The following GAPDHS variants were observed in gnomAD, a reference collection of about 807,000 sequenced individuals.
GAPDHS encodes glyceraldehyde-3-phosphate dehydrogenase, spermatogenic.
A neutral mutation model predicts 48.7 loss-of-function variants in GAPDHS; 42 were observed. That is an observed-to-expected ratio of 0.86 (90% CI 0.67 to 1.12). The LOEUF (loss-of-function observed/expected upper bound fraction) is 1.12. Among genes scored for constraint, GAPDHS ranks in the 50% most tolerant of loss-of-function variants. The pLI is 0.00. For synonymous variants in GAPDHS, 166 were observed against 219.1 expected (o/e 0.76, Z 2.14); for missense variants, 512 against 557.7 (o/e 0.92, Z 0.82).
At chr19:35,538,515 G>C in intron 3 of GAPDHS, 62 bp from the exon 4 acceptor site, 1 of 1,276,882 alleles carries the variant, frequency 7.8e-7, no homozygotes, top group South Asian at 1.2e-5. Context: ...CACCAAAGAG[G>C]GGACTCTCTA....
At chr19:35,533,661 C>A in intron 1 of GAPDHS, 67 bp downstream of exon 1, 8 of 1,230,214 alleles carry the variant, frequency 6.5e-6, no homozygotes, top group Non-Finnish European at 9.3e-6. Context: ...TGCACCCTCA[C>A]ACCTGTGCCG....
chr19:35,538,290 T>C lies in GAPDHS; in HGVS notation c.246-17T>C, dbSNP rs769204657. On this transcript the variant is annotated splice_polypyrimidine_tract_variant and intron_variant, in intron 2 of 10. Coordinates refer to ENST00000222286, the MANE Select transcript of GAPDHS (RefSeq NM_014364.5). ...TACCCCCTTCTCTCCCATCCCTTCC[T>C]GTCTGTCCCTGGCCAGATTTGGACG... 15 of 1,590,256 alleles carry C rather than the reference T, an allele frequency of 9.4e-6. No individual in the cohort carries two copies. In the South Asian group the frequency reaches 1.6e-4, roughly 17 times the overall value.
At position 35,542,863 on chromosome 19, in the gene GAPDHS, T is replaced by A. The variant is rs561578369; in HGVS notation, c.660-82T>A. On this transcript the variant is annotated intron_variant, in intron 6 of 10. Coordinates refer to ENST00000222286, the MANE Select transcript of GAPDHS (RefSeq NM_014364.5). ...GACGTTTCATAAAACCAAGTCTGCGTGCATACCCCAAGAGGGGTAAGGGTG... is the reference window on the plus strand; with the variant it reads ...GACGTTTCATAAAACCAAGTCTGCGAGCATACCCCAAGAGGGGTAAGGGTG... 7.9e-6 allele frequency: 8 copies of A among 1,018,996 alleles called. No individual in the cohort carries two copies. The African/African-American group carries it at 1.1e-4, about 14-fold the overall frequency. The allele number at this position is 1,018,996 out of a possible 1,614,324, so 63.1% of individuals were successfully genotyped here. A position where few individuals can be genotyped will look rare whatever the true frequency, so the allele number is the denominator to read the frequency against.
chr19:35,544,859 G>A, intron 9 of GAPDHS, 50 bp from the exon 10 acceptor site: 1 of 1,077,762 alleles, frequency 9.3e-7, no homozygotes, highest in Non-Finnish European at 1.4e-6. Context: ...TCAGCTCCTG[G>A]AGGTCCTTGC....
In GAPDHS at chr19:35,543,416, G is replaced by A; in HGVS notation, c.818G>A (p.Gly273Asp). The change falls in exon 8 of 11, where the codon GGT becomes GAT. Residue 273 changes from glycine to aspartate, a missense_variant. Physicochemically the swap from Gly to Asp is moderately conservative, Grantham distance 94. Coordinates refer to ENST00000222286, the MANE Select transcript of GAPDHS (RefSeq NM_014364.5). ...AGGAAGGCCTGGCGAGATGGGCGGG[G>A]TGCCCACCAGAACATCATCCCAGCC... is the stretch of plus-strand genomic sequence containing the variant. ...PSRKAWRDGR[G>D]AHQNIIPAST... 5 of 1,611,016 alleles carry A rather than the reference G, an allele frequency of 3.1e-6. No homozygotes were observed. The highest frequency in any genetic ancestry group is 1.3e-5 in the African/African-American group (1 of 74,782).
intron 7 of GAPDHS, 69 bp from the exon 8 acceptor site, chr19:35,543,271 G>A: frequency 2.5e-6 from 4 of 1,576,810 alleles, no homozygotes; most frequent in Non-Finnish European, 2.6e-6. Context: ...CACCAACTTA[G>A]TCCTGGAAAA....
chr19:35,540,845 A>G (rs1284240261), intron 4 of GAPDHS: 2 of 152,050 alleles, frequency 1.3e-5, no homozygotes, highest in African/African-American at 4.8e-5. Context: ...AAAAAAAAAC[A>G]CGAGGCCAGG....
rs2146296999 is a variant in GAPDHS, at chr19:35,542,597, G to A, written c.648G>A (p.Met216Ile). The part of the protein sequence containing the change: ...VNENDYNPGS[M>I]NIVSNASCTT... ...AAAATGACTATAACCCTGGCTCCAT[G>A]AACATTGTGAGGTAATGTGGGCAGT... The change falls in exon 6 of 11, where the codon ATG becomes ATA. Residue 216 changes from methionine to isoleucine, a missense_variant. Transcript: ENST00000222286. 6.2e-7 allele frequency: 1 copy of A among 1,606,464 alleles called. No individual in the cohort carries two copies. The highest frequency in any genetic ancestry group is 1.1e-5 in the South Asian group (1 of 90,856).
chr19:35,538,659 A>G lies in GAPDHS; in HGVS notation c.425A>G (p.Asn142Ser), dbSNP rs144589408. Residue 142 changes from asparagine (N) to serine (S), a missense_variant, in exon 4 of 11, where the codon AAC becomes AGC. By Grantham distance (46) the Asn-to-Ser change is conservative (BLOSUM62 1). Transcript: ENST00000222286. ...AGGAATGGACAACTGGTCGTGGACA[A>G]CCATGAGATCTCTGTCTACCAGTGG... ...EFRNGQLVVD[N>S]HEISVYQCKE... 2.5e-6 allele frequency: 4 copies of G among 1,601,788 alleles called. No homozygotes were observed. The African/African-American group carries it at 5.4e-5, about 21-fold the overall frequency.
At chr19:35,542,713 T>G (rs2071513284) in intron 6 of GAPDHS, 105 bp downstream of exon 6, 1 of 857,798 alleles carries the variant, frequency 1.2e-6, no homozygotes, top group Non-Finnish European at 1.9e-6. Flanking sequence ...CTGCTTCTCC[T>G]TCCCGAAACT....
chr19:35,543,600 G>A, intron 8 of GAPDHS, 65 bp from the exon 9 acceptor site: 1 of 1,589,316 alleles, frequency 6.3e-7, no homozygotes, highest in East Asian at 2.2e-5. Flanking sequence ...CAGCCACAGG[G>A]AAAGGGGGAA....
In GAPDHS at chr19:35,545,312, T is replaced by G. The variant is rs1388213257; in HGVS notation, c.*142T>G. 3 of 733,352 alleles carry G rather than the reference T, an allele frequency of 4.1e-6. No individual in the cohort carries two copies. The highest frequency in any genetic ancestry group is 7.3e-6 in the Non-Finnish European group (3 of 408,422). The allele number at this position is 733,352 out of a possible 1,614,324, so 45.4% of individuals were successfully genotyped here. On this transcript the variant is annotated 3_prime_UTR_variant, in exon 11 of 11. Coordinates refer to ENST00000222286, the MANE Select transcript of GAPDHS (RefSeq NM_014364.5). ...GGGTCCATGGTGAAATAAAAAACAG[T>G]GCTCACGGCTGCGTCCCGTATCTCT... is the stretch of plus-strand genomic sequence containing the variant.
rs1167072127 is a variant in GAPDHS, at chr19:35,542,989, T to G, written c.704T>G (p.Val235Gly). Reference protein sequence around the residue: ...TTNCLAPLAKVIHERFGIVEG... With the variant: ...TTNCLAPLAKGIHERFGIVEG... ...AACTGTTTGGCTCCCCTCGCCAAAG[T>G]CATCCACGAGCGATTTGGGATCGTG... The change falls in exon 7 of 11, where the codon GTC becomes GGC. Residue 235 changes from valine to glycine, a missense_variant. Physicochemically the swap from Val to Gly is moderately radical, Grantham distance 109. Coordinates refer to ENST00000222286, the MANE Select transcript of GAPDHS (RefSeq NM_014364.5). 2 of 1,614,070 alleles carry G rather than the reference T, an allele frequency of 1.2e-6. No individual in the cohort carries two copies. Among genetic ancestry groups the G allele is most frequent in the Non-Finnish European group, 1.7e-6 (2 of 1,179,908 alleles).
intron 2 of GAPDHS, 62 bp from the exon 3 acceptor site, chr19:35,538,245 T>A: frequency 8.5e-7 from 1 of 1,176,968 alleles, no homozygotes; most frequent in Non-Finnish European, 1.3e-6. Flanking sequence ...CCAGGCTCCT[T>A]GAGGGAGCCT....
intron 1 of GAPDHS, among the ~76,000 whole-genome samples, chr19:35,535,627 T>A (rs2071460789): frequency 6.6e-6 from 1 of 152,126 alleles, no homozygotes; most frequent in Admixed American, 6.5e-5. Flanking sequence ...CCTCAGGTGA[T>A]CTGCCTGCCT....
chr19:35,533,655 C>A, intron 1 of GAPDHS, 61 bp downstream of exon 1: 2 of 1,285,106 alleles, frequency 1.6e-6, no homozygotes, highest in South Asian at 1.3e-5. Flanking sequence ...AGCGTCTGCA[C>A]CCTCACACCT....
At position 35,538,810 on chromosome 19, in the gene GAPDHS, C is replaced by A. The variant is rs1600131364; in HGVS notation, c.449+127C>A. 1.2e-5 allele frequency: 8 copies of A among 673,984 alleles called. No homozygotes were observed. The East Asian group carries it at 1.6e-4, about 14-fold the overall frequency. 41.8% of individuals were successfully genotyped at this position (673,984 alleles called of 1,614,324 possible). A position where few individuals can be genotyped will look rare whatever the true frequency, so the allele number is the denominator to read the frequency against. On this transcript the variant is annotated intron_variant, in intron 4 of 10. Transcript: ENST00000222286. ...CCACCCCCAAAATTGCGTGTGCATG[C>A]CTCTAGGTACTAATTTGAAGAGGGA...
Position 35,536,655 on chromosome 19 carries a change from C to A in GAPDHS, c.68-158C>A, listed in dbSNP as rs2071467809. On this transcript the variant is annotated intron_variant, in intron 1 of 10. Coordinates refer to ENST00000222286, the MANE Select transcript of GAPDHS (RefSeq NM_014364.5). The stretch of plus-strand genomic sequence containing the variant: ...GAGCCCTTGGGATTGACATTTTAAA[C>A]AAGTTCATTCTGTAGAGAAAGTGGG... The A allele has an allele frequency of 6.9e-6, 4 of 575,672 alleles. No individual in the cohort carries two copies. In the Admixed American group the frequency reaches 1.2e-4, roughly 17 times the overall value. 35.7% of individuals were successfully genotyped at this position (575,672 alleles called of 1,614,324 possible). A position where few individuals can be genotyped will look rare whatever the true frequency, so the allele number is the denominator to read the frequency against.
intron 7 of GAPDHS, 127 bp from the exon 8 acceptor site, chr19:35,543,213 C>A: frequency 1.7e-6 from 2 of 1,174,558 alleles, no homozygotes; most frequent in Non-Finnish European, 2.5e-6. Context: ...TGCACACATC[C>A]CCTCCTGTGG....
Sources: gnomAD v4.1 joint callset for allele counts (sites outside exome capture counted in the v4.1 genomes callset) on GRCh38, gnomAD v4.1.1 for gene constraint, MANE v1.5 for transcripts, NCBI Gene and HGNC (gene_info 2026-07-23, HGNC 2026-07-21) for gene names.